Variants in CABP1 observed in about 807,000 individuals in gnomAD.
CABP1 encodes calcium-binding protein 1.
CABP1 carries 17 observed loss-of-function variants against 34.3 expected under a neutral mutation model. That is an observed-to-expected ratio of 0.50 (90% CI 0.34 to 0.74). The LOEUF is 0.74. Ranked by LOEUF, CABP1 falls within the 30% of genes least tolerant of loss-of-function variation. The probability of loss-of-function intolerance (pLI) is 0.01; values close to 1 mark genes in which losing one functional copy is unlikely to be tolerated. For missense variants in CABP1, 373 were observed against 511.1 expected, an observed-to-expected ratio of 0.73 and a Z score of 2.61; for synonymous variants, 198 against 229.2, an observed-to-expected ratio of 0.86 and a Z score of 1.23.
At chr12:120,650,015 G>C (rs1387959341) in intron 1 of CABP1, 1 of 142,668 alleles carries the variant, frequency 7.0e-6, no homozygotes, top group African/African-American at 2.7e-5. Context: ...TTGTGCGCGC[G>C]TGTGTGTGTG....
intron 1 of CABP1, among the ~76,000 whole-genome samples, chr12:120,658,578 C>T (rs1234524532): frequency 6.6e-6 from 1 of 152,170 alleles, no homozygotes; most frequent in East Asian, 1.9e-4. Flanking sequence ...GTCCTATGCA[C>T]CTGGTTGTCC....
chr12:120,640,656 G>A lies in CABP1; in HGVS notation c.-30G>A. 2 of 1,168,612 alleles carry A rather than the reference G, an allele frequency of 1.7e-6. No homozygotes were observed. The highest frequency in any genetic ancestry group is 2.1e-6 in the Non-Finnish European group (2 of 947,298). The allele number at this position is 1,168,612 out of a possible 1,614,324, so 72.4% of individuals were successfully genotyped here. Reference sequence around the variant, plus strand: ...TGCACCGCCAGCCGCCGGGAGCTCCGGGCTCCGGGCGTAGAGGCTGCGCTG... The same window carrying A: ...TGCACCGCCAGCCGCCGGGAGCTCCAGGCTCCGGGCGTAGAGGCTGCGCTG... On this transcript the variant is annotated 5_prime_UTR_variant, in exon 1 of 6. Transcript: ENST00000316803. The surrounding 1 kb of genome is among the most constrained non-coding windows in gnomAD (Gnocchi z 6.2).
At chr12:120,664,039 T>C (rs1440458190) in intron 5 of CABP1, among the ~76,000 whole-genome samples, 2 of 152,172 alleles carry the variant, frequency 1.3e-5, no homozygotes, top group South Asian at 2.1e-4. Context: ...GCGTGGATAG[T>C]TGGAGAGAAG....
chr12:120,669,993 G>GA (rs1881195552), downstream of CABP1, among the ~76,000 whole-genome samples: 1 of 150,614 alleles, frequency 6.6e-6, no homozygotes, highest in African/African-American at 2.5e-5. Flanking sequence ...GCCAGGAAAC[G>GA]TTTTTTTTTC....
chr12:120,661,569 T>C lies in CABP1; in HGVS notation c.1087+351T>C, dbSNP rs1593169139. 2 of 211,554 alleles carry C rather than the reference T, an allele frequency of 9.5e-6. No individual in the cohort carries two copies. Among genetic ancestry groups the C allele is most frequent in the East Asian group, 2.4e-4 (2 of 8,326 alleles). 13.1% of individuals were successfully genotyped at this position (211,554 alleles called of 1,614,324 possible). A position where few individuals can be genotyped will look rare whatever the true frequency, so the allele number is the denominator to read the frequency against. On this transcript the variant is annotated intron_variant, in intron 5 of 5. Coordinates refer to ENST00000316803, the MANE Select transcript of CABP1 (RefSeq NM_001033677.2). This position sits in a 1 kb window ranked among gnomAD's most constrained non-coding sequence, Gnocchi z 5.1. Reference sequence around the variant, plus strand: ...CATCCTCTACCTATCCATCCATCTGTCCATTTATCCATTCATCCATTCATC... The same window carrying C: ...CATCCTCTACCTATCCATCCATCTGCCCATTTATCCATTCATCCATTCATC...
intron 5 of CABP1, among the ~76,000 whole-genome samples, chr12:120,663,257 A>G (rs1281570803): frequency 1.4e-5 from 2 of 140,670 alleles, no homozygotes; most frequent in Non-Finnish European, 3.1e-5. Flanking sequence ...GTGCTCAGTG[A>G]AAGGTTATTT....
chr12:120,680,625 C>A, the CABP1 span, among the ~76,000 whole-genome samples: 1 of 152,166 alleles, frequency 6.6e-6, no homozygotes, highest in African/African-American at 2.4e-5. Context: ...GGGTCCAGGG[C>A]CACCTGGGGA....
intron 1 of CABP1, chr12:120,655,675 T>C (rs2137348408): frequency 7.0e-7 from 1 of 1,427,478 alleles, no homozygotes; most frequent in Non-Finnish European, 9.1e-7. Context: ...ATTGACTGAA[T>C]TGGGAGGTTG....
At chr12:120,657,524 T>C (rs1484290340) in intron 1 of CABP1, among the ~76,000 whole-genome samples, 1 of 152,162 alleles carries the variant, frequency 6.6e-6, no homozygotes, top group Non-Finnish European at 1.5e-5. Flanking sequence ...CCCAGCCACA[T>C]GTACTGGGGA....
At chr12:120,650,614 C>G (rs1593158061) in intron 1 of CABP1, 1 of 1,613,796 alleles carries the variant, frequency 6.2e-7, no homozygotes, top group East Asian at 2.2e-5. Context: ...CCGGGGATCC[C>G]AAGAGGGGCT....
Position 120,661,497 on chromosome 12 carries a change from C to T in CABP1, c.1087+279C>T. The T allele has an allele frequency of 2.6e-6, 1 of 389,476 alleles. No individual in the cohort carries two copies. The highest frequency in any genetic ancestry group is 3.3e-5 in the South Asian group (1 of 30,278). 24.1% of individuals were successfully genotyped at this position (389,476 alleles called of 1,614,324 possible). On this transcript the variant is annotated intron_variant, in intron 5 of 5. Coordinates refer to ENST00000316803, the MANE Select transcript of CABP1 (RefSeq NM_001033677.2). This position sits in a 1 kb window ranked among gnomAD's most constrained non-coding sequence, Gnocchi z 5.1. ...TCATCTACCTATCTATCCATCTGTC[C>T]ACCATCCATCCATCCATCCATTTAT...
At chr12:120,666,241 G>A (rs972310761) in intron 5 of CABP1, among the ~76,000 whole-genome samples, 5 of 149,916 alleles carry the variant, frequency 3.3e-5, no homozygotes, top group Non-Finnish European at 7.4e-5. Flanking sequence ...AGAAGGGAGG[G>A]GGTACAGGTT....
At chr12:120,679,746 G>T in the CABP1 span, among the ~76,000 whole-genome samples, 9 of 152,114 alleles carry the variant, frequency 5.9e-5, no homozygotes, top group Non-Finnish European at 1.0e-4. Context: ...AGAATCACTT[G>T]AACCCGGGAG....
chr12:120,680,861 G>C, the CABP1 span, among the ~76,000 whole-genome samples: 1 of 151,750 alleles, frequency 6.6e-6, no homozygotes, highest in African/African-American at 2.4e-5. Context: ...GGCCGAGGCA[G>C]GAGGAGAACC....
rs889118627 is a variant in CABP1, at chr12:120,641,578, T to C, written c.654+239T>C. 2.6e-6 allele frequency: 1 copy of C among 386,352 alleles called. No homozygotes were observed. Among genetic ancestry groups the C allele is most frequent in the East Asian group, 3.8e-5 (1 of 26,190 alleles). 23.9% of individuals were successfully genotyped at this position (386,352 alleles called of 1,614,324 possible). ...TGGGGCAAGGCCCTCCCCGCTAGCC[T>C]CCCTCATACCCGCCAGAACCCGCCA... is the stretch of plus-strand genomic sequence containing the variant. On this transcript the variant is annotated intron_variant, in intron 1 of 5. Transcript: ENST00000316803. The surrounding 1 kb of genome is among the most constrained non-coding windows in gnomAD (Gnocchi z 6.7).
chr12:120,669,863 G>A (rs1334792294), downstream of CABP1, among the ~76,000 whole-genome samples: 1 of 152,224 alleles, frequency 6.6e-6, no homozygotes, highest in Admixed American at 6.5e-5. Context: ...GGAGGCCCAG[G>A]GCAGTCCTCC....
chr12:120,659,874 T>C lies in CABP1; in HGVS notation c.655-4T>C. On this transcript the variant is annotated splice_polypyrimidine_tract_variant and splice_region_variant and intron_variant, in intron 1 of 5. Coordinates refer to ENST00000316803, the MANE Select transcript of CABP1 (RefSeq NM_001033677.2). ...GGCTAATAGGACATGTTCTTTTGTT[T>C]CAGGATAGATCACTGCGACCAGAGG... The C allele has an allele frequency of 6.2e-7, 1 of 1,613,742 alleles. No homozygotes were observed. The highest frequency in any genetic ancestry group is 8.5e-7 in the Non-Finnish European group (1 of 1,179,908).
the CABP1 span, among the ~76,000 whole-genome samples, chr12:120,675,739 G>A: frequency 6.6e-6 from 1 of 152,246 alleles, no homozygotes; most frequent in Non-Finnish European, 1.5e-5. Flanking sequence ...TTTCTACCTT[G>A]TCCAGCATAG....
chr12:120,641,072 G>A lies in CABP1; in HGVS notation c.387G>A (p.Glu129=). ...RPLCRPAPRE[E]GARGSQRVLP... Reference sequence around the variant, plus strand: ...TGTGCCGGCCGGCGCCGCGAGAGGAGGGCGCGCGGGGGAGCCAGCGTGTGC... The same window carrying A: ...TGTGCCGGCCGGCGCCGCGAGAGGAAGGCGCGCGGGGGAGCCAGCGTGTGC... Residue 129 remains glutamate (E), a synonymous_variant, in exon 1 of 6, where the codon GAG becomes GAA. Coordinates refer to ENST00000316803, the MANE Select transcript of CABP1 (RefSeq NM_001033677.2). This position sits in a 1 kb window ranked among gnomAD's most constrained non-coding sequence, Gnocchi z 6.7. 1 of 1,193,078 alleles carries A rather than the reference G, an allele frequency of 8.4e-7. No individual in the cohort carries two copies. The highest frequency in any genetic ancestry group is 1.0e-6 in the Non-Finnish European group (1 of 963,188). 73.9% of individuals were successfully genotyped at this position (1,193,078 alleles called of 1,614,324 possible).
Sources: allele counts gnomAD v4.1 joint callset (sites outside exome capture counted in the v4.1 genomes callset), GRCh38; gene constraint gnomAD v4.1.1; non-coding constraint Gnocchi (gnomAD v3.1); transcripts MANE v1.5; gene names NCBI Gene and HGNC (gene_info 2026-07-23, HGNC 2026-07-21).